Variants in KALRN observed in about 807,000 individuals in gnomAD.
KALRN encodes the protein kalirin.
A neutral mutation model predicts 353.7 loss-of-function variants in KALRN; 70 were observed. That is an observed-to-expected ratio of 0.20 (90% CI 0.16 to 0.24). The LOEUF is 0.24. KALRN is among the 10% of genes least tolerant of loss of function. The pLI is 1.00. For synonymous variants in KALRN, 1,391 were observed against 1,434.8 expected, an observed-to-expected ratio of 0.97 and a Z score of 0.69; for missense variants, 2,791 against 3,756.7, an observed-to-expected ratio of 0.74 and a Z score of 6.72.
Position 124,422,983 on chromosome 3 carries a change from GC to G in KALRN, c.2709+8del. On this transcript the variant is annotated splice_donor_region_variant and intron_variant, in intron 15 of 59. Coordinates refer to ENST00000682506, the MANE Select transcript of KALRN (RefSeq NM_001388419.1). ...CTCCAGGCTGAAGTCAAACAGGTAA[GC>G]CCAGCCCTTCTTCCTTCAGCCTGGG... 6.2e-7 allele frequency: 1 copy of G among 1,612,342 alleles called. No individual in the cohort carries two copies.
intron 25 of KALRN, among the ~76,000 whole-genome samples, chr3:124,472,075 T>G (rs1004945454): frequency 1.3e-5 from 2 of 152,180 alleles, no homozygotes; most frequent in Non-Finnish European, 2.9e-5. Context: ...CTGAGGATTT[T>G]CAAATTGTGC....
intron 6 of KALRN, among the ~76,000 whole-genome samples, chr3:124,319,909 G>A (rs1344469169): frequency 6.6e-6 from 1 of 151,982 alleles, no homozygotes; most frequent in Non-Finnish European, 1.5e-5. Context: ...CAGGAGAATT[G>A]CTTGAACCCA....
chr3:124,392,077 G>A (rs1164210842), intron 11 of KALRN, among the ~76,000 whole-genome samples: 2 of 151,620 alleles, frequency 1.3e-5, no homozygotes, highest in East Asian at 1.9e-4. Flanking sequence ...TTGAGACAGA[G>A]TCTTGCTCTG....
intron 10 of KALRN, chr3:124,384,637 T>G: frequency 2.1e-6 from 1 of 469,652 alleles, no homozygotes; most frequent in South Asian, 4.2e-5. Flanking sequence ...ATCCCAGGGG[T>G]GGATGAGGCA....
chr3:124,376,594 T>C (rs1259090820), intron 10 of KALRN, among the ~76,000 whole-genome samples: 4 of 152,214 alleles, frequency 2.6e-5, no homozygotes, highest in Non-Finnish European at 5.9e-5. Flanking sequence ...TCCTTAATCA[T>C]AGACAATGTG....
chr3:124,234,498 C>A (rs1250030802), intron 2 of KALRN, among the ~76,000 whole-genome samples: 5 of 152,326 alleles, frequency 3.3e-5, no homozygotes, highest in Admixed American at 3.3e-4. Context: ...TCACCATTTT[C>A]ATTATCATCT....
intron 21 of KALRN, among the ~76,000 whole-genome samples, chr3:124,447,982 T>C (rs148216141): frequency 6.6e-6 from 1 of 152,250 alleles, no homozygotes; most frequent in East Asian, 1.9e-4. Flanking sequence ...CAAATTAAAA[T>C]GGCTGTGAAT....
chr3:124,043,747 G>T lies in KALRN; in HGVS notation c.73+9934G>T, dbSNP rs569614466. On this transcript the variant is annotated intron_variant, in intron 1 of 59. Coordinates refer to ENST00000682506, the MANE Select transcript of KALRN (RefSeq NM_001388419.1). ...GCAGAGAAGCTAAGAAGCGAGGCTG[G>T]GAGATCTAAAGTTAGCAATCCGTTT... Among the ~76,000 whole-genome samples the T allele has an allele frequency of 3.7e-4, 57 of 152,240 alleles. 2 individuals are homozygous for T. Among genetic ancestry groups the T allele is most frequent in the Non-Finnish European group, 6.5e-4 (44 of 68,018 alleles).
chr3:124,497,158 C>T (rs549867534), intron 33 of KALRN, among the ~76,000 whole-genome samples: 5 of 152,236 alleles, frequency 3.3e-5, no homozygotes, highest in African/African-American at 4.8e-5. Context: ...GGAATGCAAC[C>T]GCCGGAATTT....
At chr3:124,238,416 C>G (rs776843704) in intron 3 of KALRN, among the ~76,000 whole-genome samples, 1 of 152,190 alleles carries the variant, frequency 6.6e-6, no homozygotes, top group Non-Finnish European at 1.5e-5. Context: ...CTTCCTGTCA[C>G]TGGAGACCAG....
chr3:124,333,237 T>A (rs1369729082), intron 8 of KALRN, among the ~76,000 whole-genome samples: 2 of 152,206 alleles, frequency 1.3e-5, no homozygotes, highest in East Asian at 3.9e-4. Context: ...GGAACTACAA[T>A]TCAAGATGAG....
intron 1 of KALRN, among the ~76,000 whole-genome samples, chr3:124,077,449 C>A (rs556337526): frequency 6.6e-6 from 1 of 152,102 alleles, no homozygotes; most frequent in African/African-American, 2.4e-5. Context: ...CCATGCCATG[C>A]ACATATGCAG....
intron 1 of KALRN, among the ~76,000 whole-genome samples, chr3:124,153,728 C>A (rs1193327116): frequency 1.3e-5 from 2 of 151,668 alleles, no homozygotes. Context: ...GTTTACAGTC[C>A]CACCAACAGT....
intron 58 of KALRN, among the ~76,000 whole-genome samples, chr3:124,715,844 G>T (rs982495753): frequency 5.3e-5 from 8 of 152,186 alleles, no homozygotes; most frequent in Non-Finnish European, 1.2e-4. Flanking sequence ...ACAGAGGGTG[G>T]CTGAGAATAG....
At chr3:124,046,765 A>C (rs141973637) in intron 1 of KALRN, among the ~76,000 whole-genome samples, 1 of 152,194 alleles carries the variant, frequency 6.6e-6, no homozygotes, top group Admixed American at 6.5e-5. Context: ...TGGAGGCCCT[A>C]CTTTGGAAAA....
chr3:124,060,833 T>A (rs1050059241), intron 1 of KALRN, among the ~76,000 whole-genome samples: 14 of 152,178 alleles, frequency 9.2e-5, no homozygotes, highest in Admixed American at 8.5e-4. Context: ...GTACCTGACC[T>A]CCACCTTCCC....
At chr3:124,346,347 C>T (rs1177937569) in intron 9 of KALRN, among the ~76,000 whole-genome samples, 1 of 152,096 alleles carries the variant, frequency 6.6e-6, no homozygotes, top group Non-Finnish European at 1.5e-5. Context: ...TTAGCATCCC[C>T]TCTCTCTCAC....
intron 43 of KALRN, 132 bp from the exon 44 acceptor site, chr3:124,660,791 C>A: frequency 1.5e-6 from 1 of 665,924 alleles, no homozygotes; most frequent in Non-Finnish European, 2.8e-6. Context: ...CTCAGCTACT[C>A]TACACCATTG....
chr3:124,446,409 A>C (rs1233372920), intron 20 of KALRN, 133 bp downstream of exon 20: 8 of 662,364 alleles, frequency 1.2e-5, no homozygotes, highest in Non-Finnish European at 2.1e-5. Context: ...GAAAGAAAGC[A>C]GGTTGTCACC....
Sources: allele counts gnomAD v4.1 joint callset (sites outside exome capture counted in the v4.1 genomes callset), GRCh38; gene constraint gnomAD v4.1.1; transcripts MANE v1.5; gene names NCBI Gene and HGNC (gene_info 2026-07-23, HGNC 2026-07-21).